The following ADAMTSL1 variants were observed in gnomAD, a reference collection of about 807,000 sequenced individuals.
ADAMTSL1 encodes ADAMTS-like protein 1.
Under a neutral mutation model 201.8 loss-of-function variants are expected in ADAMTSL1, and 126 were observed. That is an observed-to-expected ratio of 0.62 (90% CI 0.54 to 0.72). The LOEUF (loss-of-function observed/expected upper bound fraction) is 0.72, where lower values mean the gene tolerates loss of function less well. ADAMTSL1 is among the 30% of genes least tolerant of loss of function. The pLI, the probability that ADAMTSL1 is intolerant of heterozygous loss-of-function variation, is 0.00. For synonymous variants in ADAMTSL1, 1,121 were observed against 903.4 expected, an observed-to-expected ratio of 1.24 and a Z score of -4.32; for missense variants, 2,679 against 2,277.8, an observed-to-expected ratio of 1.18 and a Z score of -3.59.
chr9:18,085,780 TAC>T lies in ADAMTSL1; in HGVS notation c.88-78068_88-78067del, dbSNP rs1354949253. ...ATATATGTGTGTGTGTATATATATA[TAC>T]ACACACACACACATGCACACACAGT... is the stretch of plus-strand genomic sequence containing the variant. On this transcript the variant is annotated intron_variant, in intron 1 of 29. Transcript: ENST00000680146. 4.9e-3 allele frequency among the ~76,000 whole-genome samples: 741 copies of T among 149,872 alleles called. 9 individuals are homozygous for T. Among genetic ancestry groups the T allele is most frequent in the African/African-American group, 0.017 (676 of 40,898 alleles).
At chr9:18,552,396 T>G (rs1468546277) in intron 3 of ADAMTSL1, among the ~76,000 whole-genome samples, 1 of 151,860 alleles carries the variant, frequency 6.6e-6, no homozygotes, top group Non-Finnish European at 1.5e-5. Context: ...ACATTTTTCT[T>G]TATTAATCGC....
chr9:17,983,321 A>G (rs1238629495), intron 1 of ADAMTSL1, among the ~76,000 whole-genome samples: 4 of 151,940 alleles, frequency 2.6e-5, no homozygotes, highest in African/African-American at 4.8e-5. Flanking sequence ...TGCCCGCCTC[A>G]GCCTCCCAAA....
chr9:18,062,703 A>G (rs183286433), intron 1 of ADAMTSL1, among the ~76,000 whole-genome samples: 28 of 152,268 alleles, frequency 1.8e-4, no homozygotes, highest in African/African-American at 6.5e-4. Flanking sequence ...GCATAATTGA[A>G]TAATTATATT....
At chr9:18,746,401 G>A (rs552178402) in intron 15 of ADAMTSL1, among the ~76,000 whole-genome samples, 65 of 152,262 alleles carry the variant, frequency 4.3e-4, no homozygotes, top group South Asian at 1.7e-3. Context: ...CGACCTCAGA[G>A]GCATTCTAAG....
chr9:18,086,763 C>G (rs1380498594), intron 1 of ADAMTSL1, among the ~76,000 whole-genome samples: 1 of 152,152 alleles, frequency 6.6e-6, no homozygotes, highest in Non-Finnish European at 1.5e-5. Flanking sequence ...ATGCTTATGA[C>G]AATTTCTGTA....
intron 20 of ADAMTSL1, among the ~76,000 whole-genome samples, chr9:18,813,516 C>T (rs886272734): frequency 6.6e-6 from 1 of 152,106 alleles, no homozygotes. Context: ...ATGTTTTATA[C>T]TTTTCAGTGT....
At chr9:18,286,482 G>A (rs1317138523) in intron 2 of ADAMTSL1, among the ~76,000 whole-genome samples, 3 of 152,120 alleles carry the variant, frequency 2.0e-5, no homozygotes, top group South Asian at 4.1e-4. Context: ...CAGGGTCAGA[G>A]AGCAAGAAAT....
At chr9:18,387,620 C>T (rs963384125) in intron 2 of ADAMTSL1, among the ~76,000 whole-genome samples, 2 of 152,024 alleles carry the variant, frequency 1.3e-5, no homozygotes, top group Admixed American at 1.3e-4. Context: ...TATTTACACA[C>T]ATAGTTCTAG....
At chr9:18,277,279 A>G (rs1832622437) in intron 2 of ADAMTSL1, among the ~76,000 whole-genome samples, 2 of 152,308 alleles carry the variant, frequency 1.3e-5, no homozygotes, top group African/African-American at 2.4e-5. Context: ...GTGTTGTTCA[A>G]GTCCACAGTT....
chr9:18,259,916 T>C (rs761542545), intron 2 of ADAMTSL1, among the ~76,000 whole-genome samples: 1 of 152,228 alleles, frequency 6.6e-6, no homozygotes, highest in African/African-American at 2.4e-5. Flanking sequence ...TGTGAGATCA[T>C]GATCTTTCTT....
At chr9:17,931,483 C>G (rs1332163955) in intron 1 of ADAMTSL1, among the ~76,000 whole-genome samples, 1 of 152,164 alleles carries the variant, frequency 6.6e-6, no homozygotes, top group Non-Finnish European at 1.5e-5. Flanking sequence ...CATTTAGAGA[C>G]AAACTACAAC....
intron 2 of ADAMTSL1, among the ~76,000 whole-genome samples, chr9:18,514,697 A>G (rs909649344): frequency 6.6e-5 from 10 of 152,178 alleles, no homozygotes; most frequent in Admixed American, 5.9e-4. Flanking sequence ...TTCGTGAAGT[A>G]TTTAGAGTTT....
At chr9:17,975,450 T>C (rs917306501) in intron 1 of ADAMTSL1, among the ~76,000 whole-genome samples, 2 of 151,986 alleles carry the variant, frequency 1.3e-5, no homozygotes, top group African/African-American at 2.4e-5. Flanking sequence ...CTTCGCGTAG[T>C]AGCAAGGTAA....
At chr9:18,728,224 A>C (rs776478092) in intron 15 of ADAMTSL1, among the ~76,000 whole-genome samples, 4 of 152,190 alleles carry the variant, frequency 2.6e-5, no homozygotes, top group Non-Finnish European at 5.9e-5. Flanking sequence ...GTCACCTGAA[A>C]GCATATATGA....
At chr9:18,752,558 G>A (rs554483577) in intron 15 of ADAMTSL1, among the ~76,000 whole-genome samples, 18 of 152,298 alleles carry the variant, frequency 1.2e-4, no homozygotes, top group African/African-American at 4.3e-4. Context: ...GAAATGCAGT[G>A]GGATTGTTTT....
At chr9:18,339,648 A>T (rs573618460) in intron 2 of ADAMTSL1, among the ~76,000 whole-genome samples, 1 of 152,112 alleles carries the variant, frequency 6.6e-6, no homozygotes, top group South Asian at 2.1e-4. Flanking sequence ...TACAGATGGG[A>T]TCTCACTTTG....
intron 2 of ADAMTSL1, among the ~76,000 whole-genome samples, chr9:18,249,488 G>T (rs752647902): frequency 9.2e-5 from 14 of 152,090 alleles, no homozygotes; most frequent in Non-Finnish European, 1.9e-4. Flanking sequence ...GCAAACACCA[G>T]TATACTCATC....
At chr9:18,733,927 C>G (rs1396509486) in intron 15 of ADAMTSL1, among the ~76,000 whole-genome samples, 2 of 149,666 alleles carry the variant, frequency 1.3e-5, no homozygotes, top group African/African-American at 4.9e-5. Flanking sequence ...TTCAACTCAA[C>G]TCAGCTAAGA....
At chr9:18,554,713 T>C (rs2132242300) in intron 3 of ADAMTSL1, among the ~76,000 whole-genome samples, 1 of 151,592 alleles carries the variant, frequency 6.6e-6, no homozygotes, top group Non-Finnish European at 1.5e-5. Flanking sequence ...TATCTCATTT[T>C]ATTTTTTTTT....
Sources: gnomAD v4.1 joint callset for allele counts (sites outside exome capture counted in the v4.1 genomes callset) on GRCh38, gnomAD v4.1.1 for gene constraint, MANE v1.5 for transcripts, NCBI Gene and HGNC (gene_info 2026-07-23, HGNC 2026-07-21) for gene names.